MYH9: variants seen among roughly 807,000 people sequenced by gnomAD.
The protein encoded by MYH9 is myosin-9.
In MYH9, 29 loss-of-function variants were observed where a neutral mutation model predicts 241.9. The observed-to-expected ratio is 0.12, with a 90% CI of 0.09 to 0.16. The LOEUF is 0.16. Ranked by LOEUF, MYH9 falls within the 10% of genes least tolerant of loss-of-function variation. MYH9 has a pLI of 1.00. For missense variants in MYH9, 1,803 were observed against 2,595.5 expected, an observed-to-expected ratio of 0.69 and a Z score of 6.63; for synonymous variants, 1,047 against 1,062.6, an observed-to-expected ratio of 0.99 and a Z score of 0.29.
chr22:36,320,905 A>G lies in MYH9; in HGVS notation c.770-9T>C. The G allele has an allele frequency of 6.2e-7, 1 of 1,611,796 alleles. No homozygotes were observed. Among genetic ancestry groups the G allele is most frequent in the African/African-American group, 1.3e-5 (1 of 74,920 alleles). Reference sequence around the variant, plus strand: ...AGATTTCTCCAAAAGATCTTTGCAAATATTAAGGAGCAACACAAGCTGGGG... The same window carrying G: ...AGATTTCTCCAAAAGATCTTTGCAAGTATTAAGGAGCAACACAAGCTGGGG... On this transcript the variant is annotated splice_polypyrimidine_tract_variant and intron_variant, in intron 7 of 40. Coordinates refer to ENST00000216181, the MANE Select transcript of MYH9 (RefSeq NM_002473.6). The surrounding 1 kb of genome is among the most constrained non-coding windows in gnomAD (Gnocchi z 4.8).
chr22:36,386,882 T>C (rs958313522), intron 1 of MYH9, among the ~76,000 whole-genome samples: 4 of 152,308 alleles, frequency 2.6e-5, no homozygotes, highest in Non-Finnish European at 5.9e-5. Context: ...GAGTGGAGAA[T>C]AGAAAACTCC....
Position 36,285,644 on chromosome 22 carries a change from G to A in MYH9, c.5274+14C>T. On this transcript the variant is annotated intron_variant, in intron 37 of 40. Coordinates refer to ENST00000216181, the MANE Select transcript of MYH9 (RefSeq NM_002473.6). This position sits in a 1 kb window ranked among gnomAD's most constrained non-coding sequence, Gnocchi z 7.0. ...CCAGCCAGAGCCCAGAGTGGGAGAA[G>A]TCCTGGCACCCACCTGCAGGTTGGC... 1 of 1,611,916 alleles carries A rather than the reference G, an allele frequency of 6.2e-7. No homozygotes were observed. Among genetic ancestry groups the A allele is most frequent in the Non-Finnish European group, 8.5e-7 (1 of 1,180,010 alleles).
Position 36,284,424 on chromosome 22 carries a change from G to A in MYH9, c.5571C>T (p.Asn1857=), listed in dbSNP as rs200409945. The change falls in exon 39 of 41, where the codon AAC becomes AAT. Residue 1857 remains asparagine (N), a synonymous_variant. Coordinates refer to ENST00000216181, the MANE Select transcript of MYH9 (RefSeq NM_002473.6). Reference sequence around the variant, plus strand: ...ACACCTGGTCCTTGTACTGCTCGGCGTTCCTCCGCTCGTCATCCACCTGCA... The same window carrying A: ...ACACCTGGTCCTTGTACTGCTCGGCATTCCTCCGCTCGTCATCCACCTGCA... ...VLLQVDDERR[N]AEQYKDQADK... 1.6e-5 allele frequency: 25 copies of A among 1,612,886 alleles called. No homozygotes were observed. Among genetic ancestry groups the A allele is most frequent in the Middle Eastern group, 1.6e-4 (1 of 6,062 alleles).
At chr22:36,372,692 C>T (rs1299404914) in intron 1 of MYH9, among the ~76,000 whole-genome samples, 1 of 152,052 alleles carries the variant, frequency 6.6e-6, no homozygotes, top group Non-Finnish European at 1.5e-5. Flanking sequence ...GCAAGGAGCT[C>T]GGCAAATCTG....
intron 3 of MYH9, among the ~76,000 whole-genome samples, chr22:36,328,098 A>G (rs1398740402): frequency 6.6e-6 from 1 of 152,228 alleles, no homozygotes; most frequent in African/African-American, 2.4e-5. Flanking sequence ...ACACATGTGA[A>G]CACACCAGCA....
intron 1 of MYH9, among the ~76,000 whole-genome samples, chr22:36,377,203 G>A (rs890943945): frequency 3.3e-5 from 5 of 152,118 alleles, no homozygotes; most frequent in East Asian, 1.9e-4. Context: ...CTCCTCACCC[G>A]CAGAGGACAG....
At chr22:36,386,967 G>A (rs1160081505) in intron 1 of MYH9, among the ~76,000 whole-genome samples, 2 of 152,332 alleles carry the variant, frequency 1.3e-5, no homozygotes, top group East Asian at 1.9e-4. Flanking sequence ...CCCGCACCCC[G>A]CCCAGACGGG....
intron 1 of MYH9, chr22:36,365,027 G>T (rs1310532664): frequency 7.5e-6 from 1 of 134,062 alleles, no homozygotes; most frequent in East Asian, 2.2e-4. Context: ...GCATTGGATC[G>T]GAGTATCGTC....
At chr22:36,372,871 G>A (rs1172392846) in intron 1 of MYH9, among the ~76,000 whole-genome samples, 1 of 152,156 alleles carries the variant, frequency 6.6e-6, no homozygotes, top group East Asian at 1.9e-4. Context: ...GACTTGAGTG[G>A]GGAGCCGGGG....
intron 10 of MYH9, among the ~76,000 whole-genome samples, chr22:36,318,791 C>CT: frequency 6.6e-6 from 1 of 151,684 alleles, no homozygotes; most frequent in Non-Finnish European, 1.5e-5. Flanking sequence ...GAGACGGCGT[C>CT]TTGCTCTTGT....
intron 1 of MYH9, among the ~76,000 whole-genome samples, chr22:36,361,652 C>A (rs2017937437): frequency 6.6e-6 from 1 of 152,072 alleles, no homozygotes; most frequent in Non-Finnish European, 1.5e-5. Context: ...GGGGCAATAG[C>A]TTGGGACAGG....
intron 19 of MYH9, among the ~76,000 whole-genome samples, chr22:36,303,036 C>T (rs762502867): frequency 6.6e-6 from 1 of 152,200 alleles, no homozygotes; most frequent in Non-Finnish European, 1.5e-5. Context: ...CTCTGGACTT[C>T]AGCTTCCCAC....
intron 1 of MYH9, among the ~76,000 whole-genome samples, chr22:36,349,949 C>T (rs1756690214): frequency 6.6e-6 from 1 of 152,192 alleles, no homozygotes; most frequent in Admixed American, 6.5e-5. Context: ...CTGACTACAA[C>T]CCCACATAGT....
At chr22:36,360,075 C>CCACCACCACCACCACCAG (rs2017915347) in intron 1 of MYH9, among the ~76,000 whole-genome samples, 1 of 148,508 alleles carries the variant, frequency 6.7e-6, no homozygotes, top group Non-Finnish European at 1.5e-5. Flanking sequence ...ACCACCACCA[C>CCACCACCACCACCACCAG]CTAACATCAG....
At chr22:36,325,726 T>C (rs1202317981) in intron 5 of MYH9, among the ~76,000 whole-genome samples, 2 of 152,166 alleles carry the variant, frequency 1.3e-5, no homozygotes, top group African/African-American at 2.4e-5. Context: ...ACATGACAGC[T>C]ATGGTGCGCT....
chr22:36,346,986 G>A (rs2017686968), intron 2 of MYH9, among the ~76,000 whole-genome samples: 1 of 152,042 alleles, frequency 6.6e-6, no homozygotes. Context: ...AGTTCAAGGT[G>A]GCTAGGGCAA....
intron 12 of MYH9, among the ~76,000 whole-genome samples, chr22:36,314,541 C>G (rs757383154): frequency 3.3e-5 from 5 of 152,082 alleles, no homozygotes; most frequent in Non-Finnish European, 7.4e-5. Flanking sequence ...TCTGGTAAAG[C>G]CTTTTCAGAA....
Position 36,305,840 on chromosome 22 carries a change from A to G in MYH9, c.2159+90T>C, listed in dbSNP as rs2146348022. 1.3e-6 allele frequency: 2 copies of G among 1,584,548 alleles called. No homozygotes were observed. The highest frequency in any genetic ancestry group is 4.5e-5 in the East Asian group (2 of 44,548). Reference sequence around the variant, plus strand: ...ATGGAGGACGTCGCTCCCTCACGACAGGATCCTGCCAGGGAGCAGCAGCCC... The same window carrying G: ...ATGGAGGACGTCGCTCCCTCACGACGGGATCCTGCCAGGGAGCAGCAGCCC... On this transcript the variant is annotated intron_variant, in intron 17 of 40. Coordinates refer to ENST00000216181, the MANE Select transcript of MYH9 (RefSeq NM_002473.6). This position sits in a 1 kb window ranked among gnomAD's most constrained non-coding sequence, Gnocchi z 4.7.
At chr22:36,376,860 T>G (rs2018175837) in intron 1 of MYH9, among the ~76,000 whole-genome samples, 1 of 152,116 alleles carries the variant, frequency 6.6e-6, no homozygotes, top group African/African-American at 2.4e-5. Context: ...GTCTAGAGTT[T>G]GAGACCAGCC....
Sources: gnomAD v4.1 joint callset for allele counts (sites outside exome capture counted in the v4.1 genomes callset) on GRCh38, gnomAD v4.1.1 for gene constraint, Gnocchi (gnomAD v3.1) non-coding constraint, MANE v1.5 for transcripts, NCBI Gene and HGNC (gene_info 2026-07-23, HGNC 2026-07-21) for gene names.